The following SNTG2 variants were observed in gnomAD, a reference collection of about 807,000 sequenced individuals.
SNTG2 encodes the protein gamma-2-syntrophin.
In SNTG2, 74 loss-of-function variants were observed where a neutral mutation model predicts 70.9. That is an observed-to-expected ratio of 1.04 (90% CI 0.86 to 1.27). The LOEUF (loss-of-function observed/expected upper bound fraction) is 1.27. SNTG2 is among the 50% of genes most tolerant of loss of function. The pLI is 0.00. For synonymous variants in SNTG2, 278 were observed against 273.8 expected (o/e 1.02, Z -0.15); for missense variants, 717 against 690.7 (o/e 1.04, Z -0.43).
intron 2 of SNTG2, among the ~76,000 whole-genome samples, chr2:1,094,106 T>C: frequency 8.5e-6 from 1 of 117,110 alleles, no homozygotes; most frequent in Non-Finnish European, 1.7e-5. Context: ...GGCAAAGGGC[T>C]GCCTTCCTGG....
chr2:1,239,640 C>T, intron 10 of SNTG2, 98 bp from the exon 11 acceptor site: 5 of 1,314,734 alleles, frequency 3.8e-6, no homozygotes, highest in South Asian at 1.3e-5. Flanking sequence ...GGCCTGTTTC[C>T]CAGGACAGAG....
chr2:1,223,364 G>A (rs909293425), intron 9 of SNTG2, among the ~76,000 whole-genome samples: 20 of 73,622 alleles, frequency 2.7e-4, no homozygotes, highest in African/African-American at 8.9e-4. Flanking sequence ...CTGTCCTGCC[G>A]TGGAGGTGCT....
rs534945377 is a variant in SNTG2 at position 1,261,991 on chromosome 2, A to G, written c.1077+2550A>G. 1.1e-4 allele frequency among the ~76,000 whole-genome samples: 16 copies of G among 152,288 alleles called. No homozygotes were observed. The East Asian group carries it at 3.1e-3, about 29-fold the overall frequency. On this transcript the variant is annotated intron_variant, in intron 13 of 16. Transcript: ENST00000308624. ...CGCGAGTGGCCGTTAAGAGTTCTAG[A>G]ACGTGTTCTCCACGGATCTTCGGGG...
intron 1 of SNTG2, among the ~76,000 whole-genome samples, chr2:1,062,898 A>G (rs1241198278): frequency 6.6e-6 from 1 of 152,260 alleles, no homozygotes; most frequent in East Asian, 1.9e-4. Flanking sequence ...ATATACATAT[A>G]CACACATATA....
At position 1,353,758 on chromosome 2, in the gene SNTG2, A is replaced by C. The variant is rs1215843654; in HGVS notation, c.1489-13585A>C. ...TCATCGGAGGGGCCAGTCATCTCAC[A>C]GACACTTTGTGACAAATGTCCAGCA... On this transcript the variant is annotated intron_variant, in intron 16 of 16. Coordinates refer to ENST00000308624, the MANE Select transcript of SNTG2 (RefSeq NM_018968.4). The surrounding 1 kb of genome is among the most constrained non-coding windows in gnomAD (Gnocchi z 4.2). 1 of 152,252 alleles carries C rather than the reference A, an allele frequency of 6.6e-6. No homozygotes were observed. Among genetic ancestry groups the C allele is most frequent in the Non-Finnish European group, 1.5e-5 (1 of 68,052 alleles). 9.4% of individuals were successfully genotyped at this position (152,252 alleles called of 1,614,324 possible).
intron 11 of SNTG2, among the ~76,000 whole-genome samples, chr2:1,240,081 T>C (rs552064361): frequency 4.6e-5 from 7 of 152,238 alleles, no homozygotes; most frequent in Non-Finnish European, 7.3e-5. Flanking sequence ...GATTTAGATA[T>C]GATTGTTTAA....
intron 6 of SNTG2, among the ~76,000 whole-genome samples, chr2:1,162,281 AG>A (rs909137800): frequency 1.3e-5 from 2 of 152,070 alleles, no homozygotes; most frequent in African/African-American, 4.8e-5. Flanking sequence ...TCGGGTATGG[AG>A]GTGGGCAGGG....
chr2:1,209,747 G>C (rs567957138), intron 9 of SNTG2, among the ~76,000 whole-genome samples: 292 of 152,316 alleles, frequency 1.9e-3, no homozygotes, highest in Non-Finnish European at 3.5e-3. Flanking sequence ...AGCTTTTCGA[G>C]TAGAAAAATG....
intron 2 of SNTG2, among the ~76,000 whole-genome samples, chr2:1,091,115 G>A (rs745384492): frequency 3.9e-5 from 6 of 152,114 alleles, no homozygotes; most frequent in Admixed American, 6.5e-5. Context: ...GTTGAAGGGC[G>A]ATGACAGGCC....
rs1041489803 is a variant in SNTG2 at position 1,103,133 on chromosome 2, G to A, written c.325+4723G>A. Among the ~76,000 whole-genome samples the A allele has an allele frequency of 9.9e-5, 15 of 152,248 alleles. 1 individual carries two copies. Among genetic ancestry groups the A allele is most frequent in the Middle Eastern group, 3.4e-3 (1 of 294 alleles). ...ATGGGTGTGGAGAGGCTGGGAGGTC[G>A]AGATAGGTCTGAGACTCTCCTCAGT... On this transcript the variant is annotated intron_variant, in intron 4 of 16. Transcript: ENST00000308624.
chr2:1,033,377 GT>G (rs1200455465), intron 1 of SNTG2, among the ~76,000 whole-genome samples: 1 of 152,154 alleles, frequency 6.6e-6, no homozygotes, highest in Admixed American at 6.5e-5. Context: ...AATTCTGACA[GT>G]TTTTTGGAGA....
At chr2:1,218,138 G>A (rs1410333647) in intron 9 of SNTG2, among the ~76,000 whole-genome samples, 1 of 151,982 alleles carries the variant, frequency 6.6e-6, no homozygotes, top group Non-Finnish European at 1.5e-5. Flanking sequence ...CCTCAAGCCA[G>A]CAGCAGGTAA....
At chr2:1,111,745 CGT>C (rs1666456018) in intron 4 of SNTG2, among the ~76,000 whole-genome samples, 1 of 151,858 alleles carries the variant, frequency 6.6e-6, no homozygotes. Context: ...TGAGAAGAAT[CGT>C]GTGTTCTAAG....
Position 1,306,835 on chromosome 2 carries a change from G to A in SNTG2, c.1285-1659G>A, listed in dbSNP as rs537731680. Reference sequence around the variant, plus strand: ...GTCAGAGCAGTGCGCTGTGAGCCGCGCTGTGTGCGTGCACGTGTGTATGCC... The same window carrying A: ...GTCAGAGCAGTGCGCTGTGAGCCGCACTGTGTGCGTGCACGTGTGTATGCC... On this transcript the variant is annotated intron_variant, in intron 14 of 16. Transcript: ENST00000308624. Among the ~76,000 whole-genome samples the A allele has an allele frequency of 1.4e-3, 213 of 151,404 alleles. 2 individuals carry two copies. The highest frequency in any genetic ancestry group is 0.014 in the Middle Eastern group (4 of 294).
At chr2:1,320,233 T>C (rs998009381) in intron 16 of SNTG2, among the ~76,000 whole-genome samples, 7 of 152,124 alleles carry the variant, frequency 4.6e-5, no homozygotes, top group African/African-American at 1.7e-4. Flanking sequence ...ATCCATTATT[T>C]GCAAAAATCA....
At chr2:953,774 T>G (rs1203522267) in intron 1 of SNTG2, among the ~76,000 whole-genome samples, 1 of 152,216 alleles carries the variant, frequency 6.6e-6, no homozygotes, top group African/African-American at 2.4e-5. Flanking sequence ...TGTTTTTGTT[T>G]TTGTTTTTTT....
chr2:1,270,605 T>C (rs1678968991), intron 14 of SNTG2, among the ~76,000 whole-genome samples: 1 of 152,216 alleles, frequency 6.6e-6, no homozygotes, highest in South Asian at 2.1e-4. Flanking sequence ...AGTCACGTTC[T>C]TTCTGCTGAA....
At chr2:973,620 TTTTC>T (rs1368770083) in intron 1 of SNTG2, among the ~76,000 whole-genome samples, 1 of 152,016 alleles carries the variant, frequency 6.6e-6, no homozygotes, top group Non-Finnish European at 1.5e-5. Flanking sequence ...GCCTCTGCCT[TTTTC>T]TTTTTCTCCT....
chr2:1,231,522 C>CA (rs1402806230), intron 9 of SNTG2, among the ~76,000 whole-genome samples: 1 of 152,208 alleles, frequency 6.6e-6, no homozygotes, highest in Non-Finnish European at 1.5e-5. Context: ...ACAAGCCATT[C>CA]AATGCAGCAC....
Sources: allele counts gnomAD v4.1 joint callset (sites outside exome capture counted in the v4.1 genomes callset), GRCh38; gene constraint gnomAD v4.1.1; non-coding constraint Gnocchi (gnomAD v3.1); transcripts MANE v1.5; gene names NCBI Gene and HGNC (gene_info 2026-07-23, HGNC 2026-07-21).